ANKRD13C: variants seen among roughly 807,000 people sequenced by gnomAD.
ANKRD13C encodes the protein ankyrin repeat domain-containing protein 13C.
Under a neutral mutation model 65.5 loss-of-function variants are expected in ANKRD13C, and 16 were observed. The observed-to-expected ratio is 0.24, with a 90% confidence interval of 0.17 to 0.37. ANKRD13C has a LOEUF of 0.37. Among genes scored for constraint, ANKRD13C ranks in the 10% least tolerant of loss-of-function variants. ANKRD13C has a pLI of 1.00. For synonymous variants in ANKRD13C, 235 were observed against 238.7 expected (o/e 0.98, Z 0.14); for missense variants, 503 against 655.9 (o/e 0.77, Z 2.55).
chr1:70,309,623 G>A (rs946181988), intron 5 of ANKRD13C, among the ~76,000 whole-genome samples: 5 of 149,846 alleles, frequency 3.3e-5, no homozygotes, highest in East Asian at 2.0e-4. Context: ...CTACTCGGAA[G>A]GCTGAGGCAG....
At chr1:70,278,579 TA>T (rs1459960574) in intron 9 of ANKRD13C, among the ~76,000 whole-genome samples, 1 of 152,054 alleles carries the variant, frequency 6.6e-6, no homozygotes, top group Non-Finnish European at 1.5e-5. Context: ...TTTCAATTGC[TA>T]ATGAAAACCT....
chr1:70,265,824 CAA>C (rs775757290), intron 12 of ANKRD13C, among the ~76,000 whole-genome samples: 1,306 of 35,298 alleles, frequency 0.037, 6 homozygotes, highest in African/African-American at 0.14. Context: ...GACCTTGCCT[CAA>C]AAAAAAAAAA....
chr1:70,300,716 C>CTT, intron 7 of ANKRD13C, 48 bp downstream of exon 7: 2 of 1,434,530 alleles, frequency 1.4e-6, no homozygotes, highest in South Asian at 1.5e-5. Context: ...AAAACCTATA[C>CTT]TTTTTTTTTA....
intron 2 of ANKRD13C, among the ~76,000 whole-genome samples, chr1:70,332,039 T>C (rs28608559): frequency 6.6e-6 from 1 of 152,150 alleles, no homozygotes; most frequent in Non-Finnish European, 1.5e-5. Context: ...AAAATGTTAA[T>C]GGATCAGTAT....
At chr1:70,302,595 G>A (rs1185174203) in intron 6 of ANKRD13C, among the ~76,000 whole-genome samples, 16 of 135,150 alleles carry the variant, frequency 1.2e-4, no homozygotes, top group East Asian at 2.6e-4. Context: ...GCGTAGTGGC[G>A]GGCGCCTGTA....
intron 10 of ANKRD13C, among the ~76,000 whole-genome samples, chr1:70,276,157 CTATT>C (rs1679126361): frequency 6.6e-6 from 1 of 151,982 alleles, no homozygotes; most frequent in Non-Finnish European, 1.5e-5. Context: ...TTTTACTTAT[CTATT>C]TATTAAAAAT....
At position 70,262,821 on chromosome 1, in the gene ANKRD13C, C is replaced by T. The variant is rs1372334984; in HGVS notation, c.1522G>A (p.Ala508Thr). The stretch of plus-strand genomic sequence containing the variant: ...CGAAACTCCTGAAAAGTCACAGTGG[C>T]TGTGATTGTGGGAAACACAGGTATA... ...LDIPVFPTIT[A>T]TVTFQEFRYD... Residue 508 changes from alanine (A) to threonine (T), a missense_variant, in exon 13 of 13, where the codon GCC becomes ACC. Coordinates refer to ENST00000370944, the MANE Select transcript of ANKRD13C (RefSeq NM_030816.5). 1 of 1,612,892 alleles carries T rather than the reference C, an allele frequency of 6.2e-7. No homozygotes were observed. Among genetic ancestry groups the T allele is most frequent in the East Asian group, 2.2e-5 (1 of 44,808 alleles).
At chr1:70,344,076 T>C (rs1488093304) in intron 1 of ANKRD13C, among the ~76,000 whole-genome samples, 3 of 151,710 alleles carry the variant, frequency 2.0e-5, no homozygotes, top group African/African-American at 7.3e-5. Context: ...GGCGGATAGA[T>C]CACCTGAGGT....
intron 2 of ANKRD13C, among the ~76,000 whole-genome samples, chr1:70,333,781 G>A (rs1449778590): frequency 6.6e-6 from 1 of 152,110 alleles, no homozygotes; most frequent in African/African-American, 2.4e-5. Flanking sequence ...AAGAACAGCA[G>A]ACACACCATA....
chr1:70,262,924 G>A (rs536485862), intron 12 of ANKRD13C, 77 bp from the exon 13 acceptor site: 1 of 809,196 alleles, frequency 1.2e-6, no homozygotes, highest in Non-Finnish European at 1.8e-6. Context: ...TATTGGAGAT[G>A]TCCATACTCC....
At chr1:70,264,390 C>T (rs1490922979) in intron 12 of ANKRD13C, among the ~76,000 whole-genome samples, 3 of 147,146 alleles carry the variant, frequency 2.0e-5, no homozygotes, top group South Asian at 4.4e-4. Context: ...GCGGGAGAAT[C>T]GCTTGAACCC....
intron 5 of ANKRD13C, 85 bp from the exon 6 acceptor site, chr1:70,306,375 C>T: frequency 2.6e-6 from 2 of 754,786 alleles, no homozygotes; most frequent in East Asian, 3.0e-5. Context: ...AGTAATGTGA[C>T]ATTCTGTTAT....
intron 3 of ANKRD13C, among the ~76,000 whole-genome samples, chr1:70,323,784 G>A (rs1456747241): frequency 6.6e-6 from 1 of 151,044 alleles, no homozygotes; most frequent in East Asian, 2.0e-4. Flanking sequence ...GAGTGCAATG[G>A]TGCGATCTCG....
intron 5 of ANKRD13C, among the ~76,000 whole-genome samples, chr1:70,307,684 C>T (rs1680645268): frequency 6.6e-6 from 1 of 152,138 alleles, no homozygotes; most frequent in South Asian, 2.1e-4. Flanking sequence ...CACGGTTTGG[C>T]TATAACTGCA....
chr1:70,321,463 T>C (rs1024061481), intron 3 of ANKRD13C, among the ~76,000 whole-genome samples: 1 of 152,148 alleles, frequency 6.6e-6, no homozygotes, highest in South Asian at 2.1e-4. Context: ...ATTAACACCT[T>C]TGATGTGCCA....
intron 3 of ANKRD13C, among the ~76,000 whole-genome samples, chr1:70,320,979 G>A (rs948154927): frequency 5.3e-5 from 8 of 150,510 alleles, no homozygotes; most frequent in Non-Finnish European, 8.9e-5. Context: ...TGTAGTGTTG[G>A]GGTCCCCCTA....
chr1:70,314,749 A>C (rs1166621045), intron 4 of ANKRD13C, among the ~76,000 whole-genome samples: 2 of 151,922 alleles, frequency 1.3e-5, no homozygotes, highest in Non-Finnish European at 2.9e-5. Context: ...CTAAAAAAAA[A>C]AAAAAGCACC....
chr1:70,285,163 A>G (rs887476902), intron 9 of ANKRD13C, among the ~76,000 whole-genome samples: 2 of 146,222 alleles, frequency 1.4e-5, no homozygotes, highest in Non-Finnish European at 3.0e-5. Context: ...GAAAGCATCA[A>G]TTTTCAATAC....
chr1:70,322,132 T>G (rs1421938078), intron 3 of ANKRD13C, among the ~76,000 whole-genome samples: 3 of 152,082 alleles, frequency 2.0e-5, no homozygotes, highest in Non-Finnish European at 4.4e-5. Flanking sequence ...CTGGCCAACA[T>G]GGTGAAACCC....
Sources: gnomAD v4.1 joint callset for allele counts (sites outside exome capture counted in the v4.1 genomes callset) on GRCh38, gnomAD v4.1.1 for gene constraint, MANE v1.5 for transcripts, NCBI Gene and HGNC (gene_info 2026-07-23, HGNC 2026-07-21) for gene names.